The following ZBTB21 variants were observed in gnomAD, a reference collection of about 807,000 sequenced individuals.
The protein encoded by ZBTB21 is zinc finger and BTB domain-containing protein 21.
ZBTB21 carries 10 observed loss-of-function variants against 39.8 expected under a neutral mutation model. The observed-to-expected ratio is 0.25, with a 90% confidence interval of 0.16 to 0.43. The LOEUF (loss-of-function observed/expected upper bound fraction) is 0.43, where lower values mean the gene tolerates loss of function less well. ZBTB21 is among the 20% of genes least tolerant of loss of function. The probability of loss-of-function intolerance (pLI) is 1.00; values close to 1 mark genes in which losing one functional copy is unlikely to be tolerated. For missense variants in ZBTB21, 1,221 were observed against 1,296.3 expected (o/e 0.94, Z 0.89); for synonymous variants, 551 against 498.8 (o/e 1.10, Z -1.40).
Position 41,991,019 on chromosome 21 carries a change from G to C in ZBTB21, c.3077C>G (p.Thr1026Ser), listed in dbSNP as rs562308514. 6 of 1,575,046 alleles carry C rather than the reference G, an allele frequency of 3.8e-6. No homozygotes were observed. The South Asian group carries it at 6.0e-5, about 16-fold the overall frequency. ...AAGGGGTGGGGCATGGTAAAAAAGG[G>C]TGTCTGATTCTTGGGGCACAAACAG... ...EKLFVPQESD[T>S]LFYHAPPLSA... The change falls in exon 3 of 3, where the codon ACC becomes AGC. Residue 1026 changes from threonine (T) to serine (S), a missense_variant. Thr to Ser is a moderately conservative substitution (Grantham distance 58). Coordinates refer to ENST00000310826, the MANE Select transcript of ZBTB21 (RefSeq NM_001098402.2). The surrounding 1 kb of genome is among the most constrained non-coding windows in gnomAD (Gnocchi z 4.9).
At chr21:41,996,059 G>A (rs1468161813) in intron 2 of ZBTB21, among the ~76,000 whole-genome samples, 2 of 152,230 alleles carry the variant, frequency 1.3e-5, no homozygotes, top group African/African-American at 4.8e-5. Flanking sequence ...CCTCCATGAG[G>A]GGCAGGGCCC....
At chr21:42,000,197 G>C (rs1434106088) in intron 2 of ZBTB21, among the ~76,000 whole-genome samples, 1 of 152,140 alleles carries the variant, frequency 6.6e-6, no homozygotes, top group African/African-American at 2.4e-5. Flanking sequence ...AGGAGAGATG[G>C]GGTTTGACAG....
chr21:41,991,903 G>A lies in ZBTB21; in HGVS notation c.2193C>T (p.Leu731=), dbSNP rs956194391. 4 of 1,614,186 alleles carry A rather than the reference G, an allele frequency of 2.5e-6. 1 individual carries two copies. Among genetic ancestry groups the A allele is most frequent in the Non-Finnish European group, 1.7e-6 (2 of 1,180,042 alleles). The change falls in exon 3 of 3, where the codon CTC becomes CTT. Residue 731 remains leucine (L), a synonymous_variant. Transcript: ENST00000310826. This position sits in a 1 kb window ranked among gnomAD's most constrained non-coding sequence, Gnocchi z 4.9. ...VYQCRLCNAK[L]SSLLEQGSHE... Reference sequence around the variant, plus strand: ...GGCTTCCTTGCTCTAGGAGAGAAGAGAGCTTAGCATTACAGAGGCGGCACT... The same window carrying A: ...GGCTTCCTTGCTCTAGGAGAGAAGAAAGCTTAGCATTACAGAGGCGGCACT...
At position 42,008,342 on chromosome 21, in the gene ZBTB21, C is replaced by CAAAAAAAAA. The variant is rs767411984; in HGVS notation, c.-79+1901_-79+1909dup. On this transcript the variant is annotated intron_variant, in intron 1 of 2. Coordinates refer to ENST00000310826, the MANE Select transcript of ZBTB21 (RefSeq NM_001098402.2). ...TCAACAGGATGAAACCCCGTCTCTA[C>CAAAAAAAAA]AAAAAAAAAAAAAAAAAAAAAAAAA... Among the ~76,000 whole-genome samples, 366 of 54,276 alleles carry CAAAAAAAAA rather than the reference C, an allele frequency of 6.7e-3. 34 individuals are homozygous for CAAAAAAAAA. The highest frequency in any genetic ancestry group is 0.01 in the Non-Finnish European group (319 of 30,608). The allele number at this position is 54,276 out of a possible 152,430, so 35.6% of individuals were successfully genotyped here. A position where few individuals can be genotyped will look rare whatever the true frequency, so the allele number is the denominator to read the frequency against.
Position 41,988,622 on chromosome 21 carries a change from G to C in ZBTB21, c.*2273C>G, listed in dbSNP as rs182207322. 2 of 152,154 alleles carry C rather than the reference G, an allele frequency of 1.3e-5. No homozygotes were observed. The highest frequency in any genetic ancestry group is 2.4e-5 in the African/African-American group (1 of 41,534). The allele number at this position is 152,154 out of a possible 1,614,324, so 9.4% of individuals were successfully genotyped here. A position where few individuals can be genotyped will look rare whatever the true frequency, so the allele number is the denominator to read the frequency against. On this transcript the variant is annotated 3_prime_UTR_variant, in exon 3 of 3. Transcript: ENST00000310826. ...AGTATAAAAAGTAATAGAAAAACCA[G>C]AACGGCATTATAAATGTTTTTGGTT... is the stretch of plus-strand genomic sequence containing the variant.
intron 1 of ZBTB21, among the ~76,000 whole-genome samples, chr21:42,006,423 C>T (rs1374209398): frequency 2.2e-5 from 3 of 138,180 alleles, no homozygotes; most frequent in East Asian, 1.9e-4. Context: ...AGCGAAACTC[C>T]GTCTCAAAAA....
Position 41,992,420 on chromosome 21 carries a change from G to A in ZBTB21, c.1676C>T (p.Ala559Val). Reference sequence around the variant, plus strand: ...CATGTTAACATGACGGTGAAGACCTGCTGTTGATCTAAAGATCTTAAGGCA... The same window carrying A: ...CATGTTAACATGACGGTGAAGACCTACTGTTGATCTAAAGATCTTAAGGCA... ...KHCLKIFRST[A>V]GLHRHVNMYH... is the part of the protein sequence containing the mutation. The change falls in exon 3 of 3, where the codon GCA (alanine) becomes GTA (valine). Residue 559 changes from alanine to valine, a missense_variant. Physicochemically the swap from Ala to Val is moderately conservative, Grantham distance 64 (BLOSUM62 0). Around this residue, in one of 4 missense-constraint regions of ZBTB21, gnomAD observed 90 missense variants for 133.1 expected, o/e 0.68. Transcript: ENST00000310826. The surrounding 1 kb of genome is among the most constrained non-coding windows in gnomAD (Gnocchi z 4.1). 1 of 1,614,142 alleles carries A rather than the reference G, an allele frequency of 6.2e-7. No individual in the cohort carries two copies. The highest frequency in any genetic ancestry group is 8.5e-7 in the Non-Finnish European group (1 of 1,180,024).
At position 41,992,735 on chromosome 21, in the gene ZBTB21, G is replaced by A; in HGVS notation, c.1361C>T (p.Thr454Ile). The A allele has an allele frequency of 6.2e-7, 1 of 1,614,208 alleles. No individual in the cohort carries two copies. The highest frequency in any genetic ancestry group is 2.2e-5 in the East Asian group (1 of 44,884). ...GACCGACGAAGATGAGGCAGCTGCT[G>A]TTGTTGCCGCATCTCCCACAGTGAC... is the stretch of plus-strand genomic sequence containing the variant. ...IRVTVGDAAT[T>I]AAASSSSVTR... The change falls in exon 3 of 3, where the codon ACA (threonine) becomes ATA (isoleucine). Residue 454 changes from threonine to isoleucine, a missense_variant. Thr to Ile is a moderately conservative substitution (Grantham distance 89). Transcript: ENST00000310826. The surrounding 1 kb of genome is among the most constrained non-coding windows in gnomAD (Gnocchi z 4.1).
chr21:41,992,379 T>C lies in ZBTB21; in HGVS notation c.1717A>G (p.Lys573Glu). The change falls in exon 3 of 3, where the codon AAG (lysine) becomes GAG (glutamate). Residue 573 changes from lysine (K) to glutamate (E), a missense_variant. Lys to Glu is a moderately conservative substitution (Grantham distance 56). This residue lies in a region of ZBTB21 where 90 missense variants were observed against 133.1 expected (regional missense o/e 0.68). Transcript: ENST00000310826. This position sits in a 1 kb window ranked among gnomAD's most constrained non-coding sequence, Gnocchi z 4.1. ...RHVNMYHNPE[K>E]PYACDICHKR... ...TGACAGATGTCACAAGCGTAGGGCTTTTCTGGGTTATGGTACATGTTAACA... is the reference window on the plus strand; with the variant it reads ...TGACAGATGTCACAAGCGTAGGGCTCTTCTGGGTTATGGTACATGTTAACA... 6.2e-7 allele frequency: 1 copy of C among 1,614,156 alleles called. No individual in the cohort carries two copies. The highest frequency in any genetic ancestry group is 8.5e-7 in the Non-Finnish European group (1 of 1,180,032).
intron 2 of ZBTB21, among the ~76,000 whole-genome samples, chr21:41,997,913 G>A (rs571180403): frequency 4.6e-5 from 7 of 152,108 alleles, no homozygotes; most frequent in Non-Finnish European, 7.4e-5. Flanking sequence ...TTAGCCTCTC[G>A]GTGTGGCAGA....
chr21:42,003,674 A>C (rs1447058671), intron 1 of ZBTB21, among the ~76,000 whole-genome samples: 1 of 152,228 alleles, frequency 6.6e-6, no homozygotes, highest in Non-Finnish European at 1.5e-5. Flanking sequence ...AGGGACGCTG[A>C]ACCACTGGGT....
chr21:41,999,399 C>T (rs2065790327), intron 2 of ZBTB21, among the ~76,000 whole-genome samples: 1 of 151,998 alleles, frequency 6.6e-6, no homozygotes, highest in African/African-American at 2.4e-5. Context: ...ATGTACATAC[C>T]CACATAAGCA....
At chr21:41,997,246 A>C (rs1043095905) in intron 2 of ZBTB21, among the ~76,000 whole-genome samples, 2 of 152,162 alleles carry the variant, frequency 1.3e-5, no homozygotes, top group Non-Finnish European at 2.9e-5. Flanking sequence ...AATAGAAAAG[A>C]ATTTGGAAAG....
rs1650890922 is a variant in ZBTB21, at chr21:41,989,383, TTTC to T, written c.*1509_*1511del. 1 of 152,168 alleles carries T rather than the reference TTTC, an allele frequency of 6.6e-6. No individual in the cohort carries two copies. The highest frequency in any genetic ancestry group is 6.5e-5 in the Admixed American group (1 of 15,272). 9.4% of individuals were successfully genotyped at this position (152,168 alleles called of 1,614,324 possible). ...CTGCTAGAGCACAAATCTAAAATTA[TTTC>T]TTAATGACAGTAGTTGGCTTTTAAA... On this transcript the variant is annotated 3_prime_UTR_variant, in exon 3 of 3. Transcript: ENST00000310826.
chr21:41,995,294 C>T (rs761275372), intron 2 of ZBTB21, among the ~76,000 whole-genome samples: 1 of 152,130 alleles, frequency 6.6e-6, no homozygotes, highest in African/African-American at 2.4e-5. Flanking sequence ...GACCATAATG[C>T]CAATAATGAT....
chr21:41,997,601 A>C (rs2065765944), intron 2 of ZBTB21, among the ~76,000 whole-genome samples: 2 of 138,822 alleles, frequency 1.4e-5, no homozygotes, highest in Non-Finnish European at 3.2e-5. Context: ...AAAAAAACAA[A>C]AAAACAAAAA....
At chr21:41,997,752 A>T (rs2065767770) in intron 2 of ZBTB21, among the ~76,000 whole-genome samples, 1 of 152,222 alleles carries the variant, frequency 6.6e-6, no homozygotes, top group African/African-American at 2.4e-5. Context: ...AAATTTAATT[A>T]AAGAGTTTAA....
intron 2 of ZBTB21, among the ~76,000 whole-genome samples, chr21:41,994,331 A>T (rs2065717169): frequency 6.6e-6 from 1 of 152,196 alleles, no homozygotes; most frequent in African/African-American, 2.4e-5. Flanking sequence ...GAATTGCAGG[A>T]ACTATAATAT....
Position 41,988,235 on chromosome 21 carries a change from T to C in ZBTB21, c.*2660A>G, listed in dbSNP as rs1476932668. 1 of 152,230 alleles carries C rather than the reference T, an allele frequency of 6.6e-6. No individual in the cohort carries two copies. Among genetic ancestry groups the C allele is most frequent in the African/African-American group, 2.4e-5 (1 of 41,456 alleles). 9.4% of individuals were successfully genotyped at this position (152,230 alleles called of 1,614,324 possible). A position where few individuals can be genotyped will look rare whatever the true frequency, so the allele number is the denominator to read the frequency against. On this transcript the variant is annotated 3_prime_UTR_variant, in exon 3 of 3. Transcript: ENST00000310826. Reference sequence around the variant, plus strand: ...AACGATTCAGTATCAAGTTCTCAGATTAACAAAGAATATATTAAAACATTT... The same window carrying C: ...AACGATTCAGTATCAAGTTCTCAGACTAACAAAGAATATATTAAAACATTT...
Sources: allele counts gnomAD v4.1 joint callset (sites outside exome capture counted in the v4.1 genomes callset), GRCh38; gene constraint gnomAD v4.1.1; regional missense constraint gnomAD v4.1.1; non-coding constraint Gnocchi (gnomAD v3.1); transcripts MANE v1.5; gene names NCBI Gene and HGNC (gene_info 2026-07-23, HGNC 2026-07-21).